The following OSBP2 variants were observed in gnomAD, a reference collection of about 807,000 sequenced individuals.
OSBP2 encodes oxysterol binding protein 2, also known as oxysterol-binding protein 2.
OSBP2 carries 66 observed loss-of-function variants against 96.0 expected under a neutral mutation model. That is an observed-to-expected ratio of 0.69 (90% confidence interval 0.56 to 0.84). OSBP2 has a LOEUF of 0.84. OSBP2 is among the 40% of genes least tolerant of loss of function. OSBP2 has a pLI of 0.00. For missense variants in OSBP2, 1,038 were observed against 1,222.7 expected (o/e 0.85, Z 2.25); for synonymous variants, 525 against 520.9 (o/e 1.01, Z -0.11).
intron 2 of OSBP2, among the ~76,000 whole-genome samples, chr22:30,788,873 C>A (rs1269767073): frequency 1.3e-5 from 2 of 152,044 alleles, no homozygotes; most frequent in Admixed American, 6.6e-5. Context: ...CCACCACACC[C>A]GGCTAATTTT....
intron 1 of OSBP2, among the ~76,000 whole-genome samples, chr22:30,708,769 G>A (rs543922390): frequency 4.6e-5 from 7 of 151,326 alleles, no homozygotes; most frequent in African/African-American, 9.7e-5. Flanking sequence ...ATCAACAGGC[G>A]TGAGCCACCG....
At chr22:30,764,171 A>T in intron 2 of OSBP2, 1 of 922,564 alleles carries the variant, frequency 1.1e-6, no homozygotes, top group Non-Finnish European at 1.3e-6. Context: ...AGGCTCGCCT[A>T]CCCTCCATTG....
At chr22:30,833,235 G>A (rs929060034) in intron 2 of OSBP2, among the ~76,000 whole-genome samples, 6 of 152,188 alleles carry the variant, frequency 3.9e-5, no homozygotes, top group East Asian at 1.9e-4. Context: ...CCAGCCGTCC[G>A]CTGTTAGAGA....
intron 2 of OSBP2, chr22:30,822,706 A>T: frequency 6.5e-7 from 1 of 1,531,164 alleles, no homozygotes; most frequent in Non-Finnish European, 8.7e-7. Context: ...TAAATTTAAG[A>T]AGGGTTAGTG....
intron 2 of OSBP2, among the ~76,000 whole-genome samples, chr22:30,758,533 A>G (rs900123876): frequency 5.3e-5 from 8 of 152,152 alleles, no homozygotes; most frequent in African/African-American, 1.4e-4. Context: ...TGAGGTTACA[A>G]TTTTTTCCCT....
At chr22:30,879,114 C>T (rs550090098) in intron 3 of OSBP2, among the ~76,000 whole-genome samples, 1 of 152,332 alleles carries the variant, frequency 6.6e-6, no homozygotes, top group Middle Eastern at 3.4e-3. Context: ...CTCTGAGGCC[C>T]CTCTTGGCTC....
chr22:30,892,010 G>A (rs1003338325), intron 8 of OSBP2, among the ~76,000 whole-genome samples: 2 of 152,210 alleles, frequency 1.3e-5, no homozygotes, highest in Non-Finnish European at 2.9e-5. Context: ...TGAAGAAGCA[G>A]CAGCTGGAGG....
In OSBP2 at chr22:30,822,601, C is replaced by A. The variant is rs373182115; in HGVS notation, c.854-47828C>A. 2.6e-6 allele frequency: 4 copies of A among 1,524,868 alleles called. No individual in the cohort carries two copies. In the South Asian group the frequency reaches 3.6e-5, roughly 14 times the overall value. 94.5% of individuals were successfully genotyped at this position (1,524,868 alleles called of 1,614,324 possible). A position where few individuals can be genotyped will look rare whatever the true frequency, so the allele number is the denominator to read the frequency against. On this transcript the variant is annotated intron_variant, in intron 2 of 13. Transcript: ENST00000332585. ...CGGGACCCGGCGCCATGTAGCGCCC[C>A]GCCGATTGGAGGCTGCCCCGCCGCG...
intron 1 of OSBP2, among the ~76,000 whole-genome samples, chr22:30,725,900 C>T (rs1305217030): frequency 1.3e-5 from 2 of 151,982 alleles, no homozygotes; most frequent in South Asian, 2.1e-4. Context: ...ATGCCTCAGC[C>T]TCCCAAGTAG....
chr22:30,754,882 C>T (rs970709407), intron 2 of OSBP2, among the ~76,000 whole-genome samples: 3 of 152,216 alleles, frequency 2.0e-5, no homozygotes, highest in African/African-American at 4.8e-5. Flanking sequence ...CTCCCATTGC[C>T]ATATAGCTTT....
intron 2 of OSBP2, among the ~76,000 whole-genome samples, chr22:30,811,935 C>T (rs1194556718): frequency 1.3e-5 from 2 of 151,654 alleles, no homozygotes; most frequent in Non-Finnish European, 1.5e-5. Flanking sequence ...TAGCTCACTG[C>T]AGTCTTGACC....
At chr22:30,731,352 C>T (rs1197133888) in intron 1 of OSBP2, among the ~76,000 whole-genome samples, 1 of 152,052 alleles carries the variant, frequency 6.6e-6, no homozygotes, top group Non-Finnish European at 1.5e-5. Flanking sequence ...GCTCAGCAAG[C>T]ATGCTTGCCT....
chr22:30,879,170 G>C (rs1213913192), intron 3 of OSBP2, among the ~76,000 whole-genome samples: 2 of 152,226 alleles, frequency 1.3e-5, no homozygotes, highest in Non-Finnish European at 2.9e-5. Flanking sequence ...ACCCAGGCAG[G>C]GGTGAGAGGC....
chr22:30,716,411 TTTTG>T (rs934080840), intron 1 of OSBP2, among the ~76,000 whole-genome samples: 60 of 152,054 alleles, frequency 3.9e-4, no homozygotes, highest in African/African-American at 1.3e-3. Context: ...CAAATCCTTT[TTTTG>T]TTTGTTTGTT....
intron 2 of OSBP2, among the ~76,000 whole-genome samples, chr22:30,822,175 G>A (rs1006495606): frequency 2.6e-5 from 4 of 152,248 alleles, no homozygotes; most frequent in Admixed American, 2.6e-4. Flanking sequence ...CAGGCCCCTG[G>A]CCATCCCCAT....
intron 1 of OSBP2, among the ~76,000 whole-genome samples, chr22:30,720,410 G>A (rs1019153335): frequency 6.6e-6 from 1 of 152,124 alleles, no homozygotes; most frequent in Non-Finnish European, 1.5e-5. Context: ...GCAGGCAATT[G>A]GCAGGAGGCC....
intron 1 of OSBP2, among the ~76,000 whole-genome samples, chr22:30,709,078 A>G (rs1434067722): frequency 6.6e-6 from 1 of 151,924 alleles, no homozygotes; most frequent in African/African-American, 2.4e-5. Flanking sequence ...TAGCCTGGAC[A>G]ACAAGAGCGA....
intron 2 of OSBP2, among the ~76,000 whole-genome samples, chr22:30,811,713 C>T (rs918714746): frequency 6.6e-6 from 1 of 152,016 alleles, no homozygotes; most frequent in Non-Finnish European, 1.5e-5. Flanking sequence ...CACCACCACA[C>T]CCGGCCAATT....
chr22:30,861,888 C>G (rs1015019762), intron 2 of OSBP2, among the ~76,000 whole-genome samples: 9 of 152,186 alleles, frequency 5.9e-5, no homozygotes, highest in Admixed American at 5.9e-4. Context: ...CTGGCCCGTT[C>G]CACCTCTGTC....
Sources: gnomAD v4.1 joint callset for allele counts (sites outside exome capture counted in the v4.1 genomes callset) on GRCh38, gnomAD v4.1.1 for gene constraint, MANE v1.5 for transcripts, NCBI Gene and HGNC (gene_info 2026-07-23, HGNC 2026-07-21) for gene names.